Variants in GYPE observed in about 807,000 individuals in gnomAD.
The protein encoded by GYPE is glycophorin E (MNS blood group), also known as glycophorin-E.
In GYPE, 8 loss-of-function variants were observed where a neutral mutation model predicts 11.6. The ratio of observed to expected loss-of-function variants is 0.69; its 90% CI spans 0.41 to 1.25. The LOEUF is 1.25. Among genes scored for constraint, GYPE ranks in the 50% most tolerant of loss-of-function variants. GYPE has a pLI of 0.01. For missense variants in GYPE, 90 were observed against 92.8 expected (o/e 0.97, Z 0.12); for synonymous variants, 28 against 29.6 (o/e 0.94, Z 0.18).
chr4:143,893,302 CCATTTA>C, intron 1 of GYPE, among the ~76,000 whole-genome samples: 1 of 138,576 alleles, frequency 7.2e-6, no homozygotes, highest in African/African-American at 2.6e-5. Flanking sequence ...AGCATTTAGT[CCATTTA>C]CATTTAAAGT....
rs1071667 is a variant in GYPE at position 143,880,488 on chromosome 4, G to A, written c.59C>T (p.Ser20Leu). The A allele has an allele frequency of 4.3e-6, 7 of 1,613,800 alleles. No individual in the cohort carries two copies. The highest frequency in any genetic ancestry group is 1.7e-4 in the Middle Eastern group (1 of 6,054). Residue 20 changes from serine to leucine, a missense_variant, in exon 2 of 4, where the codon TCA becomes TTA. Coordinates refer to ENST00000358615, the MANE Select transcript of GYPE (RefSeq NM_198682.3). The part of the protein sequence containing the change: ...LLSGIVSISA[S>L]STTGVAMHTS... The stretch of plus-strand genomic sequence containing the variant: ...GTGCATTGCCACACCAGTGGTACTT[G>A]ATGCTGATATGCTCACAATTCCTGT...
intron 2 of GYPE, 119 bp downstream of exon 2, chr4:143,880,292 A>T (rs1743972937): frequency 2.0e-6 from 3 of 1,509,282 alleles, no homozygotes; most frequent in African/African-American, 1.4e-5. Context: ...GGCTGTGTCT[A>T]CTTAGCTCGC....
At chr4:143,897,122 C>A (rs924732640) in intron 1 of GYPE, among the ~76,000 whole-genome samples, 28 of 151,954 alleles carry the variant, frequency 1.8e-4, no homozygotes, top group Non-Finnish European at 3.5e-4. Flanking sequence ...CTAACCGGCA[C>A]ATTGTGCACA....
intron 1 of GYPE, among the ~76,000 whole-genome samples, chr4:143,885,641 T>G (rs1269880856): frequency 6.6e-6 from 1 of 151,592 alleles, no homozygotes. Flanking sequence ...CACTCTGGCT[T>G]TTAACAAGGC....
intron 1 of GYPE, among the ~76,000 whole-genome samples, chr4:143,881,512 A>T (rs1404741827): frequency 6.6e-6 from 1 of 152,118 alleles, no homozygotes; most frequent in African/African-American, 2.4e-5. Flanking sequence ...CTGAACTTTT[A>T]GTTGTTATAT....
chr4:143,878,484 A>G (rs1469684422), intron 2 of GYPE, among the ~76,000 whole-genome samples: 1 of 152,218 alleles, frequency 6.6e-6, no homozygotes, highest in East Asian at 1.9e-4. Context: ...TTTTAAAAAG[A>G]GAATATTTTC....
chr4:143,885,624 A>G (rs905472263), intron 1 of GYPE, among the ~76,000 whole-genome samples: 2 of 151,728 alleles, frequency 1.3e-5, no homozygotes, highest in Non-Finnish European at 2.9e-5. Context: ...CTGGATCTAC[A>G]TGCCTCCACT....
chr4:143,878,790 T>C, intron 2 of GYPE: 4 of 391,854 alleles, frequency 1.0e-5, no homozygotes, highest in Non-Finnish European at 1.5e-5. Flanking sequence ...ATTTTGAGAG[T>C]TGTTGGTCAA....
chr4:143,879,807 C>G (rs1375575134), intron 2 of GYPE, among the ~76,000 whole-genome samples: 2 of 152,124 alleles, frequency 1.3e-5, no homozygotes, highest in Non-Finnish European at 2.9e-5. Flanking sequence ...AGCAGCAGCT[C>G]CAGAATTTCT....
chr4:143,878,659 A>G (rs748407768), intron 2 of GYPE: 7 of 490,546 alleles, frequency 1.4e-5, no homozygotes, highest in South Asian at 1.1e-4. Flanking sequence ...GAAACGATGG[A>G]CAAGTTGTCC....
At chr4:143,896,673 C>G (rs547521102) in intron 1 of GYPE, among the ~76,000 whole-genome samples, 2 of 152,046 alleles carry the variant, frequency 1.3e-5, no homozygotes, top group Non-Finnish European at 2.9e-5. Context: ...ACCCAAAGGA[C>G]TATAAATCAT....
At chr4:143,874,627 T>C (rs1356984986) in intron 3 of GYPE, among the ~76,000 whole-genome samples, 1 of 152,194 alleles carries the variant, frequency 6.6e-6, no homozygotes, top group Admixed American at 6.5e-5. Context: ...CAGACACTCC[T>C]CCTTCTGACT....
At chr4:143,903,626 ATAC>A (rs1412667118) in intron 1 of GYPE, among the ~76,000 whole-genome samples, 1 of 150,908 alleles carries the variant, frequency 6.6e-6, no homozygotes. Flanking sequence ...CCTTTCTGTT[ATAC>A]TATTAAGTAG....
chr4:143,903,707 G>A (rs1283709492), intron 1 of GYPE, among the ~76,000 whole-genome samples: 1 of 152,044 alleles, frequency 6.6e-6, no homozygotes, highest in African/African-American at 2.4e-5. Flanking sequence ...GGGTACTGGA[G>A]ACCATTGTAG....
intron 1 of GYPE, among the ~76,000 whole-genome samples, chr4:143,900,056 C>T (rs190766524): frequency 5.2e-4 from 77 of 149,060 alleles, no homozygotes; most frequent in African/African-American, 1.8e-3. Flanking sequence ...TCGGATAAGA[C>T]TCTTTATCCA....
At chr4:143,889,412 TGGC>T (rs1744321208) in intron 1 of GYPE, among the ~76,000 whole-genome samples, 1 of 152,138 alleles carries the variant, frequency 6.6e-6, no homozygotes, top group Admixed American at 6.5e-5. Flanking sequence ...GTTCTATTCC[TGGC>T]TTTGCCACCA....
In GYPE at chr4:143,880,393, A is replaced by C. The variant is rs763185470; in HGVS notation, c.136+18T>G. 2.5e-6 allele frequency: 4 copies of C among 1,613,892 alleles called. No individual in the cohort carries two copies. The highest frequency in any genetic ancestry group is 3.4e-6 in the Non-Finnish European group (4 of 1,179,780). Reference sequence around the variant, plus strand: ...ACGATTTCGGAGCCACAATTTAAAAATAAAAATGAAAACAAACCATTTGTC... The same window carrying C: ...ACGATTTCGGAGCCACAATTTAAAACTAAAAATGAAAACAAACCATTTGTC... On this transcript the variant is annotated intron_variant, in intron 2 of 3. Coordinates refer to ENST00000358615, the MANE Select transcript of GYPE (RefSeq NM_198682.3).
intron 1 of GYPE, among the ~76,000 whole-genome samples, chr4:143,892,158 C>T (rs560263672): frequency 6.6e-6 from 1 of 152,098 alleles, no homozygotes; most frequent in East Asian, 1.9e-4. Flanking sequence ...GTGGTGATAT[C>T]CCCTTTATCA....
chr4:143,903,072 C>G (rs1000259137), intron 1 of GYPE, among the ~76,000 whole-genome samples: 2 of 152,130 alleles, frequency 1.3e-5, no homozygotes, highest in Non-Finnish European at 2.9e-5. Context: ...GCTCCATTCT[C>G]CTTGTTCCAC....
Sources: allele counts gnomAD v4.1 joint callset (sites outside exome capture counted in the v4.1 genomes callset), GRCh38; gene constraint gnomAD v4.1.1; transcripts MANE v1.5; gene names NCBI Gene and HGNC (gene_info 2026-07-23, HGNC 2026-07-21).